KIAA1217: variants seen among roughly 807,000 people sequenced by gnomAD.
The protein encoded by KIAA1217 is KIAA1217, also known as sickle tail protein homolog.
KIAA1217 carries 88 observed loss-of-function variants against 163.9 expected under a neutral mutation model. The observed-to-expected ratio is 0.54, with a 90% CI of 0.45 to 0.64. KIAA1217 has a LOEUF of 0.64. Ranked by LOEUF, KIAA1217 falls within the 30% of genes least tolerant of loss-of-function variation. The pLI is 0.00. For synonymous variants in KIAA1217, 903 were observed against 923.1 expected (o/e 0.98, Z 0.39); for missense variants, 2,372 against 2,475.0 (o/e 0.96, Z 0.88).
intron 9 of KIAA1217, among the ~76,000 whole-genome samples, chr10:24,501,970 C>T (rs1332599240): frequency 6.6e-6 from 1 of 151,928 alleles, no homozygotes; most frequent in Non-Finnish European, 1.5e-5. Flanking sequence ...AGGATGGTCT[C>T]GATCTCCTGA....
chr10:24,403,550 A>C (rs547205888), intron 3 of KIAA1217, among the ~76,000 whole-genome samples: 21 of 152,256 alleles, frequency 1.4e-4, no homozygotes, highest in African/African-American at 5.1e-4. Flanking sequence ...GGATCTCCTT[A>C]ACAGGATGGA....
chr10:24,158,402 A>C (rs187717022), intron 2 of KIAA1217: 6 of 605,042 alleles, frequency 9.9e-6, no homozygotes, highest in Middle Eastern at 4.9e-4. Flanking sequence ...ATATTATTAC[A>C]ATTTGCACAG....
intron 1 of KIAA1217, among the ~76,000 whole-genome samples, chr10:23,956,428 A>G (rs1172672596): frequency 6.6e-6 from 1 of 152,084 alleles, no homozygotes; most frequent in Non-Finnish European, 1.5e-5. Flanking sequence ...ATAATTGAAG[A>G]CATATCCTGT....
chr10:24,111,471 A>G (rs1231637987), intron 2 of KIAA1217, among the ~76,000 whole-genome samples: 1 of 150,888 alleles, frequency 6.6e-6, no homozygotes, highest in Non-Finnish European at 1.5e-5. Flanking sequence ...TTTTGGGGGA[A>G]AAAAAAATCC....
intron 2 of KIAA1217, among the ~76,000 whole-genome samples, chr10:24,193,157 G>A (rs186459735): frequency 7.9e-5 from 12 of 151,984 alleles, no homozygotes; most frequent in East Asian, 3.9e-4. Flanking sequence ...GGGCTTGAGC[G>A]ATCTTCCCAC....
At chr10:24,273,094 A>G (rs1009000881) in intron 2 of KIAA1217, among the ~76,000 whole-genome samples, 3 of 152,228 alleles carry the variant, frequency 2.0e-5, no homozygotes, top group African/African-American at 7.2e-5. Context: ...GCAACACTAC[A>G]TATATGAGAG....
intron 12 of KIAA1217, among the ~76,000 whole-genome samples, chr10:24,523,708 C>T (rs181919220): frequency 4.6e-5 from 7 of 152,266 alleles, no homozygotes; most frequent in Admixed American, 3.3e-4. Flanking sequence ...AAGTTCTCAA[C>T]GTTATATAAA....
At chr10:24,377,166 A>G (rs1184407226) in intron 2 of KIAA1217, among the ~76,000 whole-genome samples, 1 of 152,196 alleles carries the variant, frequency 6.6e-6, no homozygotes, top group East Asian at 1.9e-4. Flanking sequence ...TGGCCTGATT[A>G]TACAGACCAC....
chr10:24,388,814 A>G (rs1419925863), intron 3 of KIAA1217, among the ~76,000 whole-genome samples: 1 of 140,688 alleles, frequency 7.1e-6, no homozygotes, highest in Non-Finnish European at 1.5e-5. Context: ...AATGCTCATC[A>G]TCACTGGTCA....
intron 1 of KIAA1217, among the ~76,000 whole-genome samples, chr10:23,821,212 G>A (rs1456363186): frequency 6.6e-6 from 1 of 151,988 alleles, no homozygotes; most frequent in East Asian, 1.9e-4. Flanking sequence ...TATCATCACT[G>A]AAATTATCAG....
At chr10:24,125,640 A>G (rs1236032937) in intron 2 of KIAA1217, among the ~76,000 whole-genome samples, 2 of 151,526 alleles carry the variant, frequency 1.3e-5, no homozygotes, top group Non-Finnish European at 2.9e-5. Flanking sequence ...TCTTTCTACT[A>G]CTCACCATAG....
intron 1 of KIAA1217, among the ~76,000 whole-genome samples, chr10:23,751,598 A>T (rs1588718397): frequency 6.7e-6 from 1 of 148,858 alleles, no homozygotes; most frequent in South Asian, 2.1e-4. Context: ...TTCAGTATTA[A>T]AAAAAAAAGA....
At chr10:23,996,117 T>A (rs867707996) in intron 1 of KIAA1217, among the ~76,000 whole-genome samples, 6 of 152,264 alleles carry the variant, frequency 3.9e-5, no homozygotes, top group Middle Eastern at 3.4e-3. Flanking sequence ...CCTGCCTCCC[T>A]TTTTTGCCCA....
At chr10:24,106,583 T>C (rs552070463) in intron 2 of KIAA1217, among the ~76,000 whole-genome samples, 2 of 152,000 alleles carry the variant, frequency 1.3e-5, no homozygotes, top group South Asian at 4.2e-4. Context: ...AAAAAAACCC[T>C]TGTGTGTTTA....
chr10:24,401,450 T>A (rs2056518001), intron 3 of KIAA1217, among the ~76,000 whole-genome samples: 1 of 152,196 alleles, frequency 6.6e-6, no homozygotes, highest in African/African-American at 2.4e-5. Flanking sequence ...TGAAAATTTA[T>A]AAAGTAATCC....
chr10:24,255,350 GA>G, intron 2 of KIAA1217: 1 of 138,204 alleles, frequency 7.2e-6, no homozygotes, highest in Non-Finnish European at 1.6e-5. Flanking sequence ...CTGAGCGGCT[GA>G]CTGTCAGGGG....
At chr10:24,430,105 C>T (rs1013310265) in intron 3 of KIAA1217, among the ~76,000 whole-genome samples, 3 of 152,150 alleles carry the variant, frequency 2.0e-5, no homozygotes, top group African/African-American at 7.2e-5. Flanking sequence ...CTGATCATGT[C>T]ACTGCACTCC....
At chr10:24,390,033 A>G (rs58356700) in intron 3 of KIAA1217, among the ~76,000 whole-genome samples, 78,443 of 151,962 alleles carry the variant, frequency 0.52, 22,817 homozygotes, top group African/African-American at 0.8. Flanking sequence ...CTCTTTACCA[A>G]ACCAGGTCTA....
rs1248682662 is a variant in KIAA1217 at position 23,735,713 on chromosome 10, C to G, written c.-321+40479C>G. Among the ~76,000 whole-genome samples the G allele has an allele frequency of 3.9e-5, 6 of 152,056 alleles. No individual in the cohort carries two copies. In the East Asian group the frequency reaches 7.7e-4, roughly 20 times the overall value. On this transcript the variant is annotated intron_variant, in intron 1 of 18. Coordinates refer to the KIAA1217 transcript ENST00000376462. ...ATTTCTTTGATGGTTATATGTGTTA[C>G]AGATACCTTTCAGTTTTTGGCTTAT... is the stretch of plus-strand genomic sequence containing the variant.
Sources: allele counts gnomAD v4.1 joint callset (sites outside exome capture counted in the v4.1 genomes callset), GRCh38; gene constraint gnomAD v4.1.1; transcripts MANE v1.5; gene names NCBI Gene and HGNC (gene_info 2026-07-23, HGNC 2026-07-21).